Variants in ANAPC4 observed in about 807,000 individuals in gnomAD.
The protein encoded by ANAPC4 is anaphase-promoting complex subunit 4.
ANAPC4 carries 63 observed loss-of-function variants against 119.8 expected under a neutral mutation model. That is an observed-to-expected ratio of 0.53 (90% CI 0.43 to 0.65). The LOEUF (loss-of-function observed/expected upper bound fraction) is 0.65, where lower values mean the gene tolerates loss of function less well. Ranked by LOEUF, ANAPC4 falls within the 30% of genes least tolerant of loss-of-function variation. The pLI, the probability that ANAPC4 is intolerant of heterozygous loss-of-function variation, is 0.00. For missense variants in ANAPC4, 716 were observed against 945.1 expected (o/e 0.76, Z 3.18); for synonymous variants, 283 against 318.6 (o/e 0.89, Z 1.19).
At chr4:25,395,837 T>G (rs13152467) in intron 14 of ANAPC4, among the ~76,000 whole-genome samples, 8,568 of 152,288 alleles carry the variant, frequency 0.056, 314 homozygotes, top group South Asian at 0.13. Context: ...TGTAGCACCC[T>G]CTGGACTAGT....
In ANAPC4 at chr4:25,401,642, C is replaced by T. The variant is rs142909404; in HGVS notation, c.1215-1329C>T. 8.8e-3 allele frequency among the ~76,000 whole-genome samples: 1,334 copies of T among 152,346 alleles called. 15 individuals are homozygous for T. Among genetic ancestry groups the T allele is most frequent in the South Asian group, 0.022 (107 of 4,826 alleles). ...CGTGCACTGCGTGGCACAGGGCCTA[C>T]GCTCTTAAGCCACATCAGTCACTTT... On this transcript the variant is annotated intron_variant, in intron 16 of 28. Coordinates refer to ENST00000315368, the MANE Select transcript of ANAPC4 (RefSeq NM_013367.3).
At chr4:25,390,265 G>T in intron 8 of ANAPC4, 45 bp downstream of exon 8, 1 of 1,384,840 alleles carries the variant, frequency 7.2e-7, no homozygotes, top group Admixed American at 1.8e-5. Flanking sequence ...ATTTCTCTTA[G>T]AATATACTAG....
chr4:25,416,170 T>C (rs1014728751), intron 26 of ANAPC4: 1 of 287,146 alleles, frequency 3.5e-6, no homozygotes, highest in Non-Finnish European at 6.5e-6. Context: ...GCCAGGGGCT[T>C]TCTAGAACTG....
In ANAPC4 at chr4:25,383,370, G is replaced by A; in HGVS notation, c.345G>A (p.Trp115Ter). 1 of 1,610,936 alleles carries A rather than the reference G, an allele frequency of 6.2e-7. No individual in the cohort carries two copies. Among genetic ancestry groups the A allele is most frequent in the South Asian group, 1.1e-5 (1 of 90,014 alleles). The change falls in exon 4 of 29, where the codon TGG (tryptophan) becomes TGA (stop). Residue 115 changes from tryptophan to a stop codon, truncating the protein, a stop_gained. Coordinates refer to ENST00000315368, the MANE Select transcript of ANAPC4 (RefSeq NM_013367.3). LOFTEE classifies it high-confidence loss of function. Reference sequence around the variant, plus strand: ...AGGCTCCAGTTTCCTGTATGCATTGGATGGAAGTGACAGTAGAAAGCAGGT... The same window carrying A: ...AGGCTCCAGTTTCCTGTATGCATTGAATGGAAGTGACAGTAGAAAGCAGGT... Reference protein sequence around the residue: ...SVEAPVSCMHWMEVTVESSVL... With the variant: ...SVEAPVSCMH
At chr4:25,391,257 T>G (rs1722331368) in intron 9 of ANAPC4, among the ~76,000 whole-genome samples, 1 of 152,248 alleles carries the variant, frequency 6.6e-6, no homozygotes, top group South Asian at 2.1e-4. Flanking sequence ...CATATTAATT[T>G]GTTGCTATTC....
chr4:25,381,301 C>A (rs532417821), intron 3 of ANAPC4, among the ~76,000 whole-genome samples: 1 of 151,766 alleles, frequency 6.6e-6, no homozygotes, highest in South Asian at 2.1e-4. Context: ...TTTTCTTTTC[C>A]CCCCCAGACA....
chr4:25,379,252 A>G (rs1721585619), intron 2 of ANAPC4, among the ~76,000 whole-genome samples: 1 of 152,182 alleles, frequency 6.6e-6, no homozygotes, highest in South Asian at 2.1e-4. Flanking sequence ...CTGAAAAGCC[A>G]GGACATCATA....
chr4:25,388,346 CTG>C (rs2109116548), intron 4 of ANAPC4, among the ~76,000 whole-genome samples, 152 bp from the exon 5 acceptor site: 1 of 152,170 alleles, frequency 6.6e-6, no homozygotes, highest in East Asian at 1.9e-4. Flanking sequence ...CTATTTGGGA[CTG>C]TTAAACTGAC....
rs1393924189 is a variant in ANAPC4, at chr4:25,405,984, A to G, written c.1317+365A>G. ...GTCCCTGTGTTGATGTCTGGTAAGC[A>G]ACAGTTTCTTTCTAAAGAAAGGAAG... On this transcript the variant is annotated intron_variant, in intron 18 of 28. Coordinates refer to ENST00000315368, the MANE Select transcript of ANAPC4 (RefSeq NM_013367.3). This position sits in a 1 kb window ranked among gnomAD's most constrained non-coding sequence, Gnocchi z 4.6. 6.6e-6 allele frequency among the ~76,000 whole-genome samples: 1 copy of G among 152,150 alleles called. No individual in the cohort carries two copies. The highest frequency in any genetic ancestry group is 1.5e-5 in the Non-Finnish European group (1 of 68,024).
At chr4:25,396,619 T>G in intron 14 of ANAPC4, 45 bp from the exon 15 acceptor site, 2 of 1,393,546 alleles carry the variant, frequency 1.4e-6, no homozygotes, top group Non-Finnish European at 2.0e-6. Flanking sequence ...GTTAGTCACT[T>G]GATGATCGTC....
intron 3 of ANAPC4, among the ~76,000 whole-genome samples, chr4:25,382,159 A>G (rs991687091): frequency 6.6e-6 from 1 of 151,914 alleles, no homozygotes; most frequent in African/African-American, 2.4e-5. Context: ...GTGTGGATAG[A>G]TTGACCACAT....
intron 4 of ANAPC4, among the ~76,000 whole-genome samples, chr4:25,385,991 C>T (rs901944302): frequency 6.6e-6 from 1 of 151,832 alleles, no homozygotes; most frequent in African/African-American, 2.4e-5. Flanking sequence ...AGTGCAGTGG[C>T]GCCATCTTGG....
chr4:25,401,631 C>T (rs1722982689), intron 16 of ANAPC4, among the ~76,000 whole-genome samples: 1 of 152,222 alleles, frequency 6.6e-6, no homozygotes, highest in African/African-American at 2.4e-5. Context: ...CACTGCGTGG[C>T]ACAGGGCCTA....
rs570649808 is a variant in ANAPC4, at chr4:25,406,881, A to G, written c.1370A>G (p.Asn457Ser). 3.5e-5 allele frequency: 56 copies of G among 1,599,588 alleles called. No homozygotes were observed. The highest frequency in any genetic ancestry group is 4.2e-5 in the Non-Finnish European group (49 of 1,172,448). Residue 457 changes from asparagine (N) to serine (S), a missense_variant, in exon 19 of 29, where the codon AAT becomes AGT. This residue lies in a region of ANAPC4 where 504 missense variants were observed against 615.8 expected (regional missense o/e 0.82). Coordinates refer to ENST00000315368, the MANE Select transcript of ANAPC4 (RefSeq NM_013367.3). ...FVAEFLTEHF[N>S]EAPDLYNRKG... ...GCTGAATTTCTTACTGAACATTTCAATGAGGTAAGAAGTTGATATTTCTGT... is the reference window on the plus strand; with the variant it reads ...GCTGAATTTCTTACTGAACATTTCAGTGAGGTAAGAAGTTGATATTTCTGT...
chr4:25,385,049 G>C (rs183255983), intron 4 of ANAPC4, among the ~76,000 whole-genome samples: 14 of 152,250 alleles, frequency 9.2e-5, no homozygotes, highest in African/African-American at 2.9e-4. Context: ...AGGCTTTGTT[G>C]TTCCATTTAT....
Position 25,405,004 on chromosome 4 carries a change from A to G in ANAPC4, c.1271-569A>G, listed in dbSNP as rs1723177014. ...CAATTAAGAACCATGTTCAAATACC[A>G]TGCAGAGGCACATAAAACATACTTT... On this transcript the variant is annotated intron_variant, in intron 17 of 28. Coordinates refer to ENST00000315368, the MANE Select transcript of ANAPC4 (RefSeq NM_013367.3). The surrounding 1 kb of genome is among the most constrained non-coding windows in gnomAD (Gnocchi z 4.6). 6.6e-6 allele frequency among the ~76,000 whole-genome samples: 1 copy of G among 151,982 alleles called. No individual in the cohort carries two copies. The highest frequency in any genetic ancestry group is 1.5e-5 in the Non-Finnish European group (1 of 67,998).
At position 25,406,816 on chromosome 4, in the gene ANAPC4, C is replaced by A; in HGVS notation, c.1318-13C>A. Reference sequence around the variant, plus strand: ...TTTATCTTGATTTTTCTTTTTGTTCCTTTTGTTGATAGATGACTCAGAAAG... The same window carrying A: ...TTTATCTTGATTTTTCTTTTTGTTCATTTTGTTGATAGATGACTCAGAAAG... On this transcript the variant is annotated splice_polypyrimidine_tract_variant and intron_variant, in intron 18 of 28. Coordinates refer to ENST00000315368, the MANE Select transcript of ANAPC4 (RefSeq NM_013367.3). The A allele has an allele frequency of 6.3e-7, 1 of 1,580,122 alleles. No individual in the cohort carries two copies. The highest frequency in any genetic ancestry group is 1.8e-5 in the Admixed American group (1 of 54,160).
Position 25,414,643 on chromosome 4 carries a change from T to A in ANAPC4, c.1769T>A (p.Ile590Asn). Residue 590 changes from isoleucine to asparagine, a missense_variant, in exon 25 of 29, where the codon ATT becomes AAT. By Grantham distance (149) the Ile-to-Asn change is moderately radical. Around this residue, in one of 3 missense-constraint regions of ANAPC4, gnomAD observed 504 missense variants for 615.8 expected, o/e 0.82. Transcript: ENST00000315368. ...TSNLHYLLFT[I>N]LEDSLYKMCI... The stretch of plus-strand genomic sequence containing the variant: ...AATCTACATTATCTTCTTTTTACTA[T>A]TCTAGAAGATTCACTTTATAAAATG... 1 of 1,551,062 alleles carries A rather than the reference T, an allele frequency of 6.4e-7. No homozygotes were observed. The highest frequency in any genetic ancestry group is 8.8e-7 in the Non-Finnish European group (1 of 1,140,102).
rs1721845289 is a variant in ANAPC4, at chr4:25,383,266, G to A, written c.241G>A (p.Ala81Thr). ...LAWRPDGKLL[A>T]FALADTKKIV... Reference sequence around the variant, plus strand: ...ATTGTTTTTTCTTGTTTTAGTTTTGGCCTTTGCTCTTGCTGATACCAAGAA... The same window carrying A: ...ATTGTTTTTTCTTGTTTTAGTTTTGACCTTTGCTCTTGCTGATACCAAGAA... Residue 81 changes from alanine to threonine, a missense_variant, in exon 4 of 29, where the codon GCC becomes ACC. By Grantham distance (58) the Ala-to-Thr change is moderately conservative. Transcript: ENST00000315368. 6.3e-7 allele frequency: 1 copy of A among 1,591,200 alleles called. No homozygotes were observed. Among genetic ancestry groups the A allele is most frequent in the African/African-American group, 1.4e-5 (1 of 73,746 alleles).
Sources: allele counts gnomAD v4.1 joint callset (sites outside exome capture counted in the v4.1 genomes callset), GRCh38; gene constraint gnomAD v4.1.1; regional missense constraint gnomAD v4.1.1; non-coding constraint Gnocchi (gnomAD v3.1); transcripts MANE v1.5; gene names NCBI Gene and HGNC (gene_info 2026-07-23, HGNC 2026-07-21).